The following ZNF407 variants were observed in gnomAD, a reference collection of about 807,000 sequenced individuals.
ZNF407 encodes zinc finger protein 407.
ZNF407 carries 17 observed loss-of-function variants against 131.2 expected under a neutral mutation model. The observed-to-expected ratio is 0.13, with a 90% CI of 0.09 to 0.19. The LOEUF (loss-of-function observed/expected upper bound fraction) is 0.19, where lower values mean the gene tolerates loss of function less well. Ranked by LOEUF, ZNF407 falls within the 10% of genes least tolerant of loss-of-function variation. The probability of loss-of-function intolerance (pLI) is 1.00; values close to 1 mark genes in which losing one functional copy is unlikely to be tolerated. For missense variants in ZNF407, 2,681 were observed against 2,830.6 expected (o/e 0.95, Z 1.20); for synonymous variants, 1,156 against 1,062.0 (o/e 1.09, Z -1.72).
intron 8 of ZNF407, among the ~76,000 whole-genome samples, chr18:75,003,807 T>C (rs1287617586): frequency 2.6e-5 from 4 of 152,190 alleles, no homozygotes; most frequent in African/African-American, 7.2e-5. Context: ...ACACATGATA[T>C]GGAGACACTC....
At chr18:75,060,747 C>T (rs1326002756) in intron 8 of ZNF407, among the ~76,000 whole-genome samples, 2 of 152,098 alleles carry the variant, frequency 1.3e-5, no homozygotes, top group South Asian at 2.1e-4. Context: ...CCTCGTGATC[C>T]GTCCGCCTCG....
intron 1 of ZNF407, among the ~76,000 whole-genome samples, chr18:74,610,916 A>C (rs1057257042): frequency 6.6e-6 from 1 of 152,216 alleles, no homozygotes; most frequent in Admixed American, 6.5e-5. Flanking sequence ...TAGTCTGACT[A>C]CAGTTTGCAA....
At chr18:74,961,615 G>A (rs1011457887) in intron 8 of ZNF407, among the ~76,000 whole-genome samples, 1 of 152,040 alleles carries the variant, frequency 6.6e-6, no homozygotes, top group Non-Finnish European at 1.5e-5. Flanking sequence ...AGCTACTCGG[G>A]AGGCTGAGGT....
chr18:74,788,189 T>C (rs1385002370), intron 4 of ZNF407, among the ~76,000 whole-genome samples: 2 of 152,238 alleles, frequency 1.3e-5, no homozygotes, highest in Non-Finnish European at 2.9e-5. Context: ...TCCCATTTTA[T>C]GTCCGCAATA....
At position 74,978,375 on chromosome 18, in the gene ZNF407, G is replaced by A. The variant is rs116066874; in HGVS notation, c.5428+57683G>A. Among the ~76,000 whole-genome samples the A allele has an allele frequency of 2.7e-3, 415 of 152,114 alleles. 2 individuals carry two copies. Among genetic ancestry groups the A allele is most frequent in the African/African-American group, 9.2e-3 (380 of 41,438 alleles). ...GCCATTCCATGTGTGAAGACATAGA[G>A]GGGTAACGTAATTAGATATTGATTT... On this transcript the variant is annotated intron_variant, in intron 8 of 8. Coordinates refer to ENST00000299687, the MANE Select transcript of ZNF407 (RefSeq NM_017757.3).
intron 3 of ZNF407, among the ~76,000 whole-genome samples, chr18:74,661,091 T>A (rs1985694677): frequency 6.6e-6 from 1 of 152,192 alleles, no homozygotes; most frequent in African/African-American, 2.4e-5. Context: ...GTTTTGTGAA[T>A]GTTTACTGAT....
chr18:74,622,804 T>C (rs1167693968), intron 1 of ZNF407, among the ~76,000 whole-genome samples: 1 of 150,442 alleles, frequency 6.6e-6, no homozygotes, highest in Non-Finnish European at 1.5e-5. Context: ...GTGTCTGAAT[T>C]TGTGAATATG....
intron 8 of ZNF407, among the ~76,000 whole-genome samples, chr18:74,981,286 C>T (rs529637561): frequency 6.6e-6 from 1 of 152,186 alleles, no homozygotes; most frequent in African/African-American, 2.4e-5. Flanking sequence ...CACAGGTGTC[C>T]GCAGTGCCCT....
chr18:74,776,813 A>G (rs1969482474), intron 3 of ZNF407, among the ~76,000 whole-genome samples: 1 of 152,246 alleles, frequency 6.6e-6, no homozygotes, highest in Non-Finnish European at 1.5e-5. Flanking sequence ...TATATGCTGT[A>G]TTCTTACAAT....
At chr18:74,764,643 T>A (rs549312318) in intron 3 of ZNF407, among the ~76,000 whole-genome samples, 1 of 152,322 alleles carries the variant, frequency 6.6e-6, no homozygotes, top group South Asian at 2.1e-4. Context: ...TATGGGAGGA[T>A]GTGCATAGGT....
chr18:74,777,101 C>T (rs1358813433), intron 3 of ZNF407, among the ~76,000 whole-genome samples: 2 of 152,054 alleles, frequency 1.3e-5, no homozygotes, highest in East Asian at 3.9e-4. Context: ...TAGATCATCT[C>T]CCATGACTCT....
At chr18:74,813,504 G>A (rs371162270) in intron 4 of ZNF407, among the ~76,000 whole-genome samples, 3 of 152,162 alleles carry the variant, frequency 2.0e-5, no homozygotes, top group East Asian at 1.9e-4. Flanking sequence ...AGCCAGTGTC[G>A]TGGGAAGACC....
rs150819142 is a variant in ZNF407 at position 74,654,672 on chromosome 18, T to C, written c.4802+13550T>C. On this transcript the variant is annotated intron_variant, in intron 3 of 8. Transcript: ENST00000299687. Reference sequence around the variant, plus strand: ...AATAACATGTTAAACTACTACATAATATATCTTTACAAATTTGAGATCATG... The same window carrying C: ...AATAACATGTTAAACTACTACATAACATATCTTTACAAATTTGAGATCATG... Among the ~76,000 whole-genome samples, 558 of 151,954 alleles carry C rather than the reference T, an allele frequency of 3.7e-3. 2 individuals are homozygous for C. Among genetic ancestry groups the C allele is most frequent in the African/African-American group, 0.013 (524 of 41,544 alleles).
intron 8 of ZNF407, among the ~76,000 whole-genome samples, chr18:75,003,128 C>T (rs1004210132): frequency 6.6e-6 from 1 of 152,216 alleles, no homozygotes; most frequent in African/African-American, 2.4e-5. Flanking sequence ...GTAGGGCTTT[C>T]CTAACAAACA....
intron 3 of ZNF407, among the ~76,000 whole-genome samples, chr18:74,727,682 G>T (rs1463454): frequency 6.6e-6 from 1 of 152,090 alleles, no homozygotes; most frequent in African/African-American, 2.4e-5. Context: ...ATATATGTTA[G>T]GAGGGAGATG....
Position 75,064,014 on chromosome 18 carries a change from T to C in ZNF407, c.6293T>C (p.Val2098Ala), listed in dbSNP as rs533461814. 6 of 1,607,592 alleles carry C rather than the reference T, an allele frequency of 3.7e-6. No homozygotes were observed. In the South Asian group the frequency reaches 5.6e-5, roughly 15 times the overall value. Reference sequence around the variant, plus strand: ...GACACGGCCGCGGCCGGCCAGTTGGTCAAGGACGGTGTCACCCAGGTGGTG... The same window carrying C: ...GACACGGCCGCGGCCGGCCAGTTGGCCAAGGACGGTGTCACCCAGGTGGTG... ...VCDTAAAGQL[V>A]KDGVTQVVVS... The change falls in exon 9 of 9, where the codon GTC becomes GCC. Residue 2098 changes from valine (V) to alanine (A), a missense_variant. Physicochemically the swap from Val to Ala is moderately conservative, Grantham distance 64. Coordinates refer to ENST00000299687, the MANE Select transcript of ZNF407 (RefSeq NM_017757.3).
chr18:74,770,358 A>G (rs1215146767), intron 3 of ZNF407, among the ~76,000 whole-genome samples: 1 of 152,144 alleles, frequency 6.6e-6, no homozygotes, highest in African/African-American at 2.4e-5. Context: ...TGATTGTGCC[A>G]CTGTAGTCAG....
chr18:75,044,698 A>G (rs2122247223), intron 8 of ZNF407, among the ~76,000 whole-genome samples: 1 of 152,352 alleles, frequency 6.6e-6, no homozygotes, highest in South Asian at 2.1e-4. Flanking sequence ...GGTTTAAAAT[A>G]AATATATTTT....
At position 75,064,384 on chromosome 18, in the gene ZNF407, C is replaced by T. The variant is rs1280201086; in HGVS notation, c.6663C>T (p.Ser2221=). 8.9e-6 allele frequency: 14 copies of T among 1,568,852 alleles called. No individual in the cohort carries two copies. Among genetic ancestry groups the T allele is most frequent in the African/African-American group, 1.4e-5 (1 of 73,810 alleles). The change falls in exon 9 of 9, where the codon AGC becomes AGT. Residue 2221 remains serine (S), a synonymous_variant. Coordinates refer to ENST00000299687, the MANE Select transcript of ZNF407 (RefSeq NM_017757.3). ...GAPSRAEQLA[S]VVIYTQEGSS... Reference sequence around the variant, plus strand: ...CAAGCAGGGCAGAGCAGCTGGCCAGCGTGGTCATCTACACCCAGGAGGGCT... The same window carrying T: ...CAAGCAGGGCAGAGCAGCTGGCCAGTGTGGTCATCTACACCCAGGAGGGCT...
Sources: gnomAD v4.1 joint callset for allele counts (sites outside exome capture counted in the v4.1 genomes callset) on GRCh38, gnomAD v4.1.1 for gene constraint, MANE v1.5 for transcripts, NCBI Gene and HGNC (gene_info 2026-07-23, HGNC 2026-07-21) for gene names.